Variants in RIF1 observed in about 807,000 individuals in gnomAD.
RIF1 encodes telomere-associated protein RIF1.
RIF1 carries 45 observed loss-of-function variants against 247.1 expected under a neutral mutation model. That is an observed-to-expected ratio of 0.18 (90% CI 0.14 to 0.23). The LOEUF (loss-of-function observed/expected upper bound fraction) is 0.23, where lower values mean the gene tolerates loss of function less well. RIF1 is among the 10% of genes least tolerant of loss of function. The probability of loss-of-function intolerance (pLI) is 1.00; values close to 1 mark genes in which losing one functional copy is unlikely to be tolerated. For synonymous variants in RIF1, 1,087 were observed against 978.8 expected (o/e 1.11, Z -2.06); for missense variants, 2,967 against 2,862.5 (o/e 1.04, Z -0.83).
At chr2:151,467,896 C>CAT in intron 30 of RIF1, 104 bp from the exon 31 acceptor site, 1 of 1,123,498 alleles carries the variant, frequency 8.9e-7, no homozygotes, top group Non-Finnish European at 1.3e-6. Flanking sequence ...AATAAATTTT[C>CAT]TAAACCCACA....
At chr2:151,525,167 C>T in the RIF1 span, 8 of 1,612,458 alleles carry the variant, frequency 5.0e-6, no homozygotes, top group Non-Finnish European at 6.8e-6. Context: ...ACTTACATCA[C>T]TTTGCTTCTT....
At chr2:151,497,808 C>A in intron 10 of RIF1, 2 of 1,536,740 alleles carry the variant, frequency 1.3e-6, no homozygotes, top group Non-Finnish European at 1.7e-6. Flanking sequence ...ACACAGTCAT[C>A]CAAGGAGCCA....
downstream of RIF1, chr2:151,508,144 C>T (rs2070814158): frequency 6.8e-7 from 1 of 1,465,656 alleles, no homozygotes; most frequent in East Asian, 2.3e-5. Context: ...GGAGGGTAAA[C>T]ACCACAGGGA....
rs1224200576 is a variant in RIF1 at position 151,463,868 on chromosome 2, C to T, written c.4348C>T (p.Pro1450Ser). The change falls in exon 30 of 36, where the codon CCT becomes TCT. Residue 1450 changes from proline to serine, a missense_variant. Transcript: ENST00000444746. ...GGAACGACGTAAGGAAGAAGAAAAACCTCTTCAGAAGAGTCCATTGCATAT... is the reference window on the plus strand; with the variant it reads ...GGAACGACGTAAGGAAGAAGAAAAATCTCTTCAGAAGAGTCCATTGCATAT... ...KKERRKEEEK[P>S]LQKSPLHIKD... 4 of 1,612,200 alleles carry T rather than the reference C, an allele frequency of 2.5e-6. No homozygotes were observed. The East Asian group carries it at 6.7e-5, about 27-fold the overall frequency.
chr2:151,425,905 C>G (rs1688986853), intron 8 of RIF1, among the ~76,000 whole-genome samples: 1 of 151,456 alleles, frequency 6.6e-6, no homozygotes, highest in African/African-American at 2.4e-5. Context: ...TCTCGAACTT[C>G]TGAGCTCTAG....
Position 151,464,676 on chromosome 2 carries a change from A to C in RIF1, c.5156A>C (p.Gln1719Pro). 1 of 1,612,858 alleles carries C rather than the reference A, an allele frequency of 6.2e-7. No individual in the cohort carries two copies. The highest frequency in any genetic ancestry group is 1.3e-5 in the African/African-American group (1 of 75,006). ...SEKTFQTLEC[Q>P]HKRSRRVRRS... ...AAAACTTTTCAAACACTTGAATGCC[A>C]ACACAAGAGAAGTAGGAGGGTGAGG... is the stretch of plus-strand genomic sequence containing the variant. The change falls in exon 30 of 36, where the codon CAA becomes CCA. Residue 1719 changes from glutamine (Q) to proline (P), a missense_variant. Physicochemically the swap from Gln to Pro is moderately conservative, Grantham distance 76 (BLOSUM62 -1). Coordinates refer to ENST00000444746, the MANE Select transcript of RIF1 (RefSeq NM_018151.5).
rs761340771 is a variant in RIF1, at chr2:151,481,394, T to C, written c.*6323T>C. ...CTTTTTCCTACTTAAACTCTCAAACTACAGTTACGTATTTGCCATGATGTT... is the reference window on the plus strand; with the variant it reads ...CTTTTTCCTACTTAAACTCTCAAACCACAGTTACGTATTTGCCATGATGTT... On this transcript the variant is annotated 3_prime_UTR_variant, in exon 36 of 36. Transcript: ENST00000444746. 1.2e-4 allele frequency: 18 copies of C among 152,202 alleles called. No homozygotes were observed. The highest frequency in any genetic ancestry group is 2.5e-4 in the Non-Finnish European group (17 of 68,034). The allele number at this position is 152,202 out of a possible 1,614,324, so 9.4% of individuals were successfully genotyped here.
the RIF1 span, among the ~76,000 whole-genome samples, chr2:151,533,887 TTTG>T: frequency 2.6e-5 from 4 of 152,252 alleles, no homozygotes; most frequent in Non-Finnish European, 5.9e-5. Flanking sequence ...TTGTTTGTTT[TTTG>T]TTGTTGTTTG....
rs1430721041 is a variant in RIF1 at position 151,477,194 on chromosome 2, T to A, written c.*2123T>A. On this transcript the variant is annotated 3_prime_UTR_variant, in exon 36 of 36. Coordinates refer to ENST00000444746, the MANE Select transcript of RIF1 (RefSeq NM_018151.5). ...TTTGCAATATTCTTGCCTTAAAGTTTCCTGCAAATTTCCCCCTTAGTAATT... is the reference window on the plus strand; with the variant it reads ...TTTGCAATATTCTTGCCTTAAAGTTACCTGCAAATTTCCCCCTTAGTAATT... 6.6e-6 allele frequency: 1 copy of A among 152,246 alleles called. No homozygotes were observed. Among genetic ancestry groups the A allele is most frequent in the Non-Finnish European group, 1.5e-5 (1 of 68,038 alleles). 9.4% of individuals were successfully genotyped at this position (152,246 alleles called of 1,614,324 possible).
intron 9 of RIF1, among the ~76,000 whole-genome samples, chr2:151,491,056 A>AT (rs2056179176): frequency 7.5e-6 from 1 of 134,056 alleles, no homozygotes; most frequent in Non-Finnish European, 1.5e-5. Context: ...TTTTTTTGAG[A>AT]TGGGGTCTCT....
the RIF1 span, among the ~76,000 whole-genome samples, chr2:151,515,413 A>G: frequency 0.015 from 2,277 of 152,176 alleles, 81 homozygotes; most frequent in East Asian, 0.14. Context: ...GGGTCTTGCT[A>G]TGATGCCCAG....
At chr2:151,486,009 C>T, downstream of RIF1, 1 of 1,434,160 alleles carries the variant, frequency 7.0e-7, no homozygotes, top group Non-Finnish European at 9.6e-7. Context: ...TTTGTAAGAT[C>T]TCTCATGACT....
At chr2:151,525,405 C>T in the RIF1 span, 1 of 655,046 alleles carries the variant, frequency 1.5e-6, no homozygotes. Flanking sequence ...TAGATAAGAC[C>T]CATATTCTAG....
chr2:151,445,466 G>A (rs1455468074), intron 19 of RIF1, 21 bp downstream of exon 19: 2 of 1,110,488 alleles, frequency 1.8e-6, no homozygotes, highest in Non-Finnish European at 2.8e-6. Flanking sequence ...GTCAAGTATT[G>A]ATTTCCGAGG....
chr2:151,424,825 A>ATTTTTTTTTTTTTTTTTTTTTTTTT (rs71000475), intron 8 of RIF1, among the ~76,000 whole-genome samples: 2 of 47,270 alleles, frequency 4.2e-5, no homozygotes, highest in African/African-American at 1.6e-4. Context: ...AGCCCGGCTG[A>ATTTTTTTTTTTTTTTTTTTTTTTTT]TTTTTTTTTT....
rs1193917296 is a variant in RIF1, at chr2:151,476,810, G to GT, written c.*1744dup. On this transcript the variant is annotated 3_prime_UTR_variant, in exon 36 of 36. Transcript: ENST00000444746. ...TTTAACCGTAAGGAGGTGCACATGA[G>GT]TTTTTAGCAAACAGGTATGAATAAG... 2.6e-5 allele frequency: 4 copies of GT among 152,286 alleles called. No homozygotes were observed. Among genetic ancestry groups the GT allele is most frequent in the African/African-American group, 9.6e-5 (4 of 41,560 alleles). The allele number at this position is 152,286 out of a possible 1,614,324, so 9.4% of individuals were successfully genotyped here. A position where few individuals can be genotyped will look rare whatever the true frequency, so the allele number is the denominator to read the frequency against.
intron 10 of RIF1, 26 bp from the exon 11 acceptor site, chr2:151,435,437 G>C (rs746004738): frequency 1.6e-6 from 2 of 1,273,188 alleles, no homozygotes; most frequent in Admixed American, 3.4e-5. Context: ...ATAGTTTATA[G>C]ATCGATGTTT....
chr2:151,529,154 G>T, the RIF1 span: 1 of 1,177,992 alleles, frequency 8.5e-7, no homozygotes, highest in Non-Finnish European at 1.3e-6. Flanking sequence ...GAGGCCATGT[G>T]TCCTACAGAA....
rs1224979229 is a variant in RIF1 at position 151,475,285 on chromosome 2, T to G, written c.*214T>G. The G allele has an allele frequency of 8.0e-6, 4 of 500,590 alleles. No homozygotes were observed. The highest frequency in any genetic ancestry group is 1.1e-5 in the Non-Finnish European group (3 of 284,186). The allele number at this position is 500,590 out of a possible 1,614,324, so 31.0% of individuals were successfully genotyped here. On this transcript the variant is annotated 3_prime_UTR_variant, in exon 36 of 36. Transcript: ENST00000444746. ...TTTTTTCATAATATGTATTCTTGGC[T>G]GCTATGCGTGGTTTTTCAGGAAATT...
Sources: gnomAD v4.1 joint callset for allele counts (sites outside exome capture counted in the v4.1 genomes callset) on GRCh38, gnomAD v4.1.1 for gene constraint, MANE v1.5 for transcripts, NCBI Gene and HGNC (gene_info 2026-07-23, HGNC 2026-07-21) for gene names.